GNAS-AS1: variants seen among roughly 807,000 people sequenced by gnomAD.
GNAS-AS1 encodes GNAS antisense RNA 1 (non-protein coding).
intron 4 of GNAS-AS1, among the ~76,000 whole-genome samples, chr20:58,826,360 G>A (rs1368636846): frequency 6.6e-6 from 1 of 152,178 alleles, no homozygotes. Context: ...CCCCTGGTTA[G>A]CACTGCCTTT....
chr20:58,841,402 C>A lies in GNAS-AS1; in HGVS notation n.819+535G>T. ...GGAAAGTAATCTGAATGGGAATGGG[C>A]GAGAACTCTAGAGACTGACCACCCG... On this transcript the variant is annotated intron_variant and non_coding_transcript_variant, in intron 4 of 4. Coordinates refer to ENST00000424094, the Ensembl canonical transcript of GNAS-AS1. The surrounding 1 kb of genome is among the most constrained non-coding windows in gnomAD (Gnocchi z 5.0). 1 of 1,006,840 alleles carries A rather than the reference C, an allele frequency of 9.9e-7. No individual in the cohort carries two copies. The highest frequency in any genetic ancestry group is 1.7e-5 in the African/African-American group (1 of 57,712). 62.4% of individuals were successfully genotyped at this position (1,006,840 alleles called of 1,614,324 possible).
At chr20:58,825,047 G>A (rs1037172355) in intron 4 of GNAS-AS1, among the ~76,000 whole-genome samples, 13 of 152,192 alleles carry the variant, frequency 8.5e-5, no homozygotes, top group South Asian at 2.1e-4. Flanking sequence ...TCTTGGCTGC[G>A]TCCGCAAACA....
At chr20:58,836,455 G>A (rs1305122988) in intron 4 of GNAS-AS1, 2 of 152,132 alleles carry the variant, frequency 1.3e-5, no homozygotes, top group South Asian at 2.1e-4. Context: ...CAATTTATCC[G>A]AATCAGAAGC....
intron 2 of GNAS-AS1, among the ~76,000 whole-genome samples, chr20:58,846,428 C>T (rs1295139303): frequency 6.6e-6 from 1 of 152,172 alleles, no homozygotes; most frequent in South Asian, 2.1e-4. Flanking sequence ...TCACTGTCCC[C>T]CTGAGAGTTT....
chr20:58,850,453 G>A, intron 1 of GNAS-AS1: 1 of 397,802 alleles, frequency 2.5e-6, no homozygotes, highest in Non-Finnish European at 4.4e-6. Context: ...GTGAGCGCGA[G>A]GCCTGACGAA....
intron 2 of GNAS-AS1, among the ~76,000 whole-genome samples, chr20:58,846,688 C>A (rs561268216): frequency 5.9e-5 from 9 of 152,320 alleles, no homozygotes; most frequent in African/African-American, 2.2e-4. Flanking sequence ...CTCCCCTCAA[C>A]CCCATGTGAG....
In GNAS-AS1 at chr20:58,829,781, GA is replaced by G. The variant is rs76747171; in HGVS notation, n.820-10527del. Reference sequence around the variant, plus strand: ...GCTTCTTCTGCTGTATACTCAGGGGGAAAAAAACAAAAGAACATCTTTCTTT... The same window carrying G: ...GCTTCTTCTGCTGTATACTCAGGGGGAAAAAACAAAAGAACATCTTTCTTT... On this transcript the variant is annotated intron_variant and non_coding_transcript_variant, in intron 4 of 4. Transcript: ENST00000424094. 1.5e-3 allele frequency among the ~76,000 whole-genome samples: 231 copies of G among 152,070 alleles called. 4 individuals carry two copies. The highest frequency in any genetic ancestry group is 0.013 in the Admixed American group (196 of 15,278).
Position 58,840,633 on chromosome 20 carries a change from G to T in GNAS-AS1, n.819+1304C>A. 6.2e-7 allele frequency: 1 copy of T among 1,606,434 alleles called. No homozygotes were observed. The highest frequency in any genetic ancestry group is 8.5e-7 in the Non-Finnish European group (1 of 1,178,130). Reference sequence around the variant, plus strand: ...TTGCGAAGCCCCGACGCCTCCCCAAGTCGCGCGCCGCCCAGCACTCAGGAG... The same window carrying T: ...TTGCGAAGCCCCGACGCCTCCCCAATTCGCGCGCCGCCCAGCACTCAGGAG... On this transcript the variant is annotated intron_variant and non_coding_transcript_variant, in intron 4 of 4. Coordinates refer to ENST00000424094, the Ensembl canonical transcript of GNAS-AS1. This position sits in a 1 kb window ranked among gnomAD's most constrained non-coding sequence, Gnocchi z 6.0.
chr20:58,840,103 G>A lies in GNAS-AS1; in HGVS notation n.819+1834C>T, dbSNP rs2085660242. On this transcript the variant is annotated intron_variant and non_coding_transcript_variant, in intron 4 of 4. Transcript: ENST00000424094. The surrounding 1 kb of genome is among the most constrained non-coding windows in gnomAD (Gnocchi z 6.0). ...GGCCGGCTTCTCGGTGTGTGCCTAA[G>A]AGGATGGATCGGAGGTCCCGGGCTC... The A allele has an allele frequency of 6.2e-7, 1 of 1,610,594 alleles. No individual in the cohort carries two copies. Among genetic ancestry groups the A allele is most frequent in the Non-Finnish European group, 8.5e-7 (1 of 1,179,950 alleles).
Position 58,840,226 on chromosome 20 carries a change from G to A in GNAS-AS1, n.819+1711C>T. On this transcript the variant is annotated intron_variant and non_coding_transcript_variant, in intron 4 of 4. Transcript: ENST00000424094. The surrounding 1 kb of genome is among the most constrained non-coding windows in gnomAD (Gnocchi z 6.0). Reference sequence around the variant, plus strand: ...TCCTCTGGCTCTCCTGCTCCATCGCGCTCCTCCGCGCCCTTGCCACCTCCA... The same window carrying A: ...TCCTCTGGCTCTCCTGCTCCATCGCACTCCTCCGCGCCCTTGCCACCTCCA... 1 of 1,610,896 alleles carries A rather than the reference G, an allele frequency of 6.2e-7. No individual in the cohort carries two copies. Among genetic ancestry groups the A allele is most frequent in the Non-Finnish European group, 8.5e-7 (1 of 1,179,812 alleles).
intron 4 of GNAS-AS1, among the ~76,000 whole-genome samples, chr20:58,830,217 C>T (rs1011728284): frequency 2.9e-4 from 44 of 150,316 alleles, no homozygotes; most frequent in African/African-American, 8.6e-4. Context: ...ACCACCACCA[C>T]CACACCACCA....
chr20:58,846,313 C>A (rs1458802552), intron 2 of GNAS-AS1, among the ~76,000 whole-genome samples: 1 of 152,078 alleles, frequency 6.6e-6, no homozygotes, highest in Non-Finnish European at 1.5e-5. Flanking sequence ...GAACCAGGTG[C>A]ATCAAGGGAC....
rs936448388 is a variant in GNAS-AS1 at position 58,840,472 on chromosome 20, G to C, written n.819+1465C>G. 1.9e-6 allele frequency: 3 copies of C among 1,613,546 alleles called. No individual in the cohort carries two copies. The highest frequency in any genetic ancestry group is 1.7e-6 in the Non-Finnish European group (2 of 1,179,904). On this transcript the variant is annotated intron_variant and non_coding_transcript_variant, in intron 4 of 4. Transcript: ENST00000424094. The surrounding 1 kb of genome is among the most constrained non-coding windows in gnomAD (Gnocchi z 6.0). ...AGACCGAGTCCGAAATCGAGTCCGA[G>C]ACCGACTTCGAGACCGAGCCTGAGA... is the stretch of plus-strand genomic sequence containing the variant.
intron 4 of GNAS-AS1, among the ~76,000 whole-genome samples, chr20:58,819,662 T>C (rs2085472233): frequency 6.6e-6 from 1 of 152,138 alleles, no homozygotes; most frequent in Non-Finnish European, 1.5e-5. Flanking sequence ...AAGCCTTTTC[T>C]GAAGCCCTCT....
chr20:58,837,689 C>T (rs1313757045), intron 4 of GNAS-AS1, among the ~76,000 whole-genome samples: 3 of 152,196 alleles, frequency 2.0e-5, no homozygotes, highest in Admixed American at 6.5e-5. Flanking sequence ...GTGACCCACC[C>T]GCCTCGGCCT....
chr20:58,850,437 T>G (rs1337866360), intron 1 of GNAS-AS1: 2 of 397,488 alleles, frequency 5.0e-6, no homozygotes, highest in African/African-American at 4.1e-5. Context: ...AAATGGTACT[T>G]TGGGGGTGAG....
intron 4 of GNAS-AS1, among the ~76,000 whole-genome samples, chr20:58,823,681 T>C (rs540756543): frequency 6.6e-6 from 1 of 152,260 alleles, no homozygotes; most frequent in Non-Finnish European, 1.5e-5. Flanking sequence ...CAATGTGCCT[T>C]CTGTCAGAAG....
chr20:58,826,419 G>A (rs2085520744), intron 4 of GNAS-AS1, among the ~76,000 whole-genome samples: 1 of 152,108 alleles, frequency 6.6e-6, no homozygotes, highest in South Asian at 2.1e-4. Context: ...GGTAACCCTA[G>A]TTATACACCA....
In GNAS-AS1 at chr20:58,841,539, G is replaced by T. The variant is rs372052381; in HGVS notation, n.819+398C>A. On this transcript the variant is annotated intron_variant and non_coding_transcript_variant, in intron 4 of 4. Transcript: ENST00000424094. The surrounding 1 kb of genome is among the most constrained non-coding windows in gnomAD (Gnocchi z 5.0). ...GCGCCAGTGCCTCCAGCTGCCGTGC[G>T]CCAGCCTTGGCCGCCACAGCCCGCC... The T allele has an allele frequency of 1.8e-5, 18 of 995,306 alleles. 1 individual carries two copies. The East Asian group carries it at 4.3e-4, about 24-fold the overall frequency. 61.7% of individuals were successfully genotyped at this position (995,306 alleles called of 1,614,324 possible).
Sources: gnomAD v4.1 joint callset for allele counts (sites outside exome capture counted in the v4.1 genomes callset) on GRCh38, gnomAD v4.1.1 for gene constraint, Gnocchi (gnomAD v3.1) non-coding constraint, MANE v1.5 for transcripts, NCBI Gene and HGNC (gene_info 2026-07-23, HGNC 2026-07-21) for gene names.